Variants in SLC25A33 observed in about 807,000 individuals in gnomAD.
SLC25A33 encodes bone marrow stromal cell mitochondrial carrier protein.
Under a neutral mutation model 35.5 loss-of-function variants are expected in SLC25A33, and 15 were observed. The observed-to-expected ratio is 0.42, with a 90% CI of 0.28 to 0.65. SLC25A33 has a LOEUF of 0.65. Ranked by LOEUF, SLC25A33 falls within the 30% of genes least tolerant of loss-of-function variation. The pLI, the probability that SLC25A33 is intolerant of heterozygous loss-of-function variation, is 0.20. For missense variants in SLC25A33, 257 were observed against 398.5 expected (o/e 0.64, Z 3.02); for synonymous variants, 136 against 148.7 (o/e 0.91, Z 0.62).
intron 3 of SLC25A33, among the ~76,000 whole-genome samples, chr1:9,569,452 G>A (rs548630956): frequency 1.2e-4 from 18 of 152,230 alleles, no homozygotes; most frequent in Non-Finnish European, 1.2e-4. Flanking sequence ...AAGAGCCCTC[G>A]CTGCTCACAG....
Position 9,553,746 on chromosome 1 carries a change from T to C in SLC25A33, c.177T>C (p.Ile59=), listed in dbSNP as rs766406663. The C allele has an allele frequency of 1.2e-6, 2 of 1,614,182 alleles. No homozygotes were observed. Among genetic ancestry groups the C allele is most frequent in the Non-Finnish European group, 1.7e-6 (2 of 1,180,034 alleles). ...VYYPQVHLGT[I]SGAGMVRPTS... is the part of the protein sequence containing the mutation. ...ATCCTCAGGTTCATCTGGGGACCAT[T>C]AGTGGAGCTGGAATGGTGAGACCAA... Residue 59 remains isoleucine (I), a synonymous_variant, in exon 2 of 7, where the codon ATT becomes ATC. Transcript: ENST00000302692.
At chr1:9,543,372 GC>G (rs1027621152) in intron 1 of SLC25A33, among the ~76,000 whole-genome samples, 26 of 152,126 alleles carry the variant, frequency 1.7e-4, no homozygotes, top group Non-Finnish European at 2.9e-4. Context: ...TCGAACTCCT[GC>G]CCTCAGGTGA....
In SLC25A33 at chr1:9,552,998, A is replaced by G. The variant is rs533583357; in HGVS notation, c.57-628A>G. 4.3e-5 allele frequency among the ~76,000 whole-genome samples: 6 copies of G among 139,806 alleles called. No homozygotes were observed. The South Asian group carries it at 9.1e-4, about 21-fold the overall frequency. The allele number at this position is 139,806 out of a possible 152,430, so 91.7% of individuals were successfully genotyped here. A position where few individuals can be genotyped will look rare whatever the true frequency, so the allele number is the denominator to read the frequency against. ...AATGGCAAGATCTCCGCTCACTGCA[A>G]CCTCTGCCTCAGCCTCCTGAGTAGC... On this transcript the variant is annotated intron_variant, in intron 1 of 6. Coordinates refer to ENST00000302692, the MANE Select transcript of SLC25A33 (RefSeq NM_032315.3).
intron 2 of SLC25A33, among the ~76,000 whole-genome samples, chr1:9,557,378 T>A (rs1006223005): frequency 6.6e-6 from 1 of 152,244 alleles, no homozygotes; most frequent in Non-Finnish European, 1.5e-5. Flanking sequence ...TAAGCTTTAT[T>A]TCCTCAGCTT....
At position 9,580,022 on chromosome 1, in the gene SLC25A33, G is replaced by A. The variant is rs758554064; in HGVS notation, c.551G>A (p.Arg184His). The A allele has an allele frequency of 6.8e-5, 110 of 1,613,226 alleles. No individual in the cohort carries two copies. Among genetic ancestry groups the A allele is most frequent in the Non-Finnish European group, 9.1e-5 (107 of 1,179,670 alleles). ...TACGTTTACCAGACCGAAGGCATTC[G>A]TGGCTTCTATAGAGGATTAACTGCC... The part of the protein sequence containing the change: ...ARYVYQTEGI[R>H]GFYRGLTASY... The change falls in exon 6 of 7, where the codon CGT becomes CAT. Residue 184 changes from arginine to histidine, a missense_variant. Physicochemically the swap from Arg to His is conservative, Grantham distance 29 (BLOSUM62 0). Coordinates refer to ENST00000302692, the MANE Select transcript of SLC25A33 (RefSeq NM_032315.3).
At chr1:9,560,275 A>G (rs1643403232) in intron 2 of SLC25A33, among the ~76,000 whole-genome samples, 2 of 151,696 alleles carry the variant, frequency 1.3e-5, no homozygotes, top group South Asian at 4.2e-4. Flanking sequence ...AGAGAAAAGA[A>G]AAAAAACCCA....
chr1:9,540,489 G>A (rs1643063322), intron 1 of SLC25A33, among the ~76,000 whole-genome samples: 1 of 152,096 alleles, frequency 6.6e-6, no homozygotes, highest in African/African-American at 2.4e-5. Context: ...GAGTTCTGCG[G>A]TTAGGAAGGG....
chr1:9,573,754 C>A (rs551796172), intron 5 of SLC25A33, among the ~76,000 whole-genome samples: 1 of 152,206 alleles, frequency 6.6e-6, no homozygotes, highest in African/African-American at 2.4e-5. Context: ...GATGGTCTCC[C>A]TTTCAAAAGG....
chr1:9,559,266 A>G (rs988125633), intron 2 of SLC25A33, among the ~76,000 whole-genome samples: 1 of 152,102 alleles, frequency 6.6e-6, no homozygotes, highest in African/African-American at 2.4e-5. Context: ...ACCCCCTCCA[A>G]TGGGACTTCT....
rs1281914967 is a variant in SLC25A33 at position 9,553,873 on chromosome 1, C to T, written c.236+68C>T. The T allele has an allele frequency of 1.6e-5, 23 of 1,480,778 alleles. No individual in the cohort carries two copies. The South Asian group carries it at 2.0e-4, about 13-fold the overall frequency. 91.7% of individuals were successfully genotyped at this position (1,480,778 alleles called of 1,614,324 possible). ...ACCGCCACTGTCAACAGAGAATGTT[C>T]ATCAAGCTTATCAAATGTGATGTTC... On this transcript the variant is annotated intron_variant, in intron 2 of 6. Transcript: ENST00000302692.
rs964840648 is a variant in SLC25A33, at chr1:9,546,846, C to T, written c.57-6780C>T. ...AGTGTCACCAGGAGGGGCCCACCCA[C>T]GCCTGCTTGGCCTCCAGTAACCTGC... On this transcript the variant is annotated intron_variant, in intron 1 of 6. Coordinates refer to ENST00000302692, the MANE Select transcript of SLC25A33 (RefSeq NM_032315.3). Among the ~76,000 whole-genome samples, 7 of 152,156 alleles carry T rather than the reference C, an allele frequency of 4.6e-5. 1 individual carries two copies. The highest frequency in any genetic ancestry group is 1.3e-4 in the Admixed American group (2 of 15,258).
chr1:9,549,331 G>C (rs556665552), intron 1 of SLC25A33, among the ~76,000 whole-genome samples: 9 of 141,534 alleles, frequency 6.4e-5, no homozygotes, highest in Non-Finnish European at 7.9e-5. Flanking sequence ...GGGATCAATG[G>C]GGGGGATGAA....
At chr1:9,569,515 T>C (rs758567237) in intron 3 of SLC25A33, among the ~76,000 whole-genome samples, 2 of 152,168 alleles carry the variant, frequency 1.3e-5, no homozygotes, top group Admixed American at 6.5e-5. Context: ...CCTGACTGCC[T>C]CACCCATTAG....
chr1:9,575,212 CA>C (rs909942057), intron 5 of SLC25A33, among the ~76,000 whole-genome samples: 1,206 of 58,734 alleles, frequency 0.021, 9 homozygotes, highest in African/African-American at 0.064. Context: ...GACTCTGGCT[CA>C]AAAAAAAAAA....
chr1:9,542,758 A>G (rs1400083307), intron 1 of SLC25A33, among the ~76,000 whole-genome samples: 1 of 152,246 alleles, frequency 6.6e-6, no homozygotes, highest in Non-Finnish European at 1.5e-5. Flanking sequence ...ACATCAAACA[A>G]GTTTAATACT....
At chr1:9,579,634 G>T (rs1399978778) in intron 5 of SLC25A33, among the ~76,000 whole-genome samples, 1 of 152,116 alleles carries the variant, frequency 6.6e-6, no homozygotes. Flanking sequence ...CTGTCCTCTT[G>T]GGTTTTTCTG....
intron 2 of SLC25A33, among the ~76,000 whole-genome samples, chr1:9,564,725 T>TAAAAAAAA (rs1553146726): frequency 1.1e-5 from 1 of 94,526 alleles, no homozygotes; most frequent in African/African-American, 5.0e-5. Context: ...CGTCTCTATT[T>TAAAAAAAA]AAAAAAAAAA....
intron 2 of SLC25A33, among the ~76,000 whole-genome samples, chr1:9,554,455 A>G (rs1210878183): frequency 6.6e-6 from 1 of 152,118 alleles, no homozygotes; most frequent in Non-Finnish European, 1.5e-5. Context: ...TGCCTCCTGG[A>G]TTCAAGCGAT....
chr1:9,577,088 A>G, intron 5 of SLC25A33: 1 of 553,164 alleles, frequency 1.8e-6, no homozygotes, highest in Non-Finnish European at 3.2e-6. Context: ...TTGGGAAGAA[A>G]AGAATAGCCA....
Sources: allele counts gnomAD v4.1 joint callset (sites outside exome capture counted in the v4.1 genomes callset), GRCh38; gene constraint gnomAD v4.1.1; transcripts MANE v1.5; gene names NCBI Gene and HGNC (gene_info 2026-07-23, HGNC 2026-07-21).